Variants in SRFBP1 observed in about 807,000 individuals in gnomAD.
The protein encoded by SRFBP1 is serum response factor binding protein 1.
Under a neutral mutation model 45.5 loss-of-function variants are expected in SRFBP1, and 47 were observed. That is an observed-to-expected ratio of 1.03 (90% CI 0.82 to 1.32). SRFBP1 has a LOEUF of 1.32. SRFBP1 is among the 40% of genes most tolerant of loss of function. The probability of loss-of-function intolerance (pLI) is 0.00; values close to 1 mark genes in which losing one functional copy is unlikely to be tolerated. For missense variants in SRFBP1, 621 were observed against 484.6 expected, an observed-to-expected ratio of 1.28 and a Z score of -2.64; for synonymous variants, 203 against 166.3, an observed-to-expected ratio of 1.22 and a Z score of -1.70.
chr5:121,988,572 A>T (rs1752563303), intron 3 of SRFBP1, among the ~76,000 whole-genome samples: 1 of 152,246 alleles, frequency 6.6e-6, no homozygotes, highest in Admixed American at 6.5e-5. Flanking sequence ...CAACCAGGAA[A>T]GCTCACCTGA....
intron 2 of SRFBP1, among the ~76,000 whole-genome samples, chr5:122,057,459 CTGTG>C (rs3028227): frequency 0.67 from 97,294 of 146,262 alleles, 33,839 homozygotes; most frequent in East Asian, 0.85. Context: ...GTTCTCAGTT[CTGTG>C]TGTGTGTGTG....
chr5:122,039,120 A>AG (rs1254224363), intron 2 of SRFBP1, among the ~76,000 whole-genome samples: 7 of 152,218 alleles, frequency 4.6e-5, no homozygotes, highest in African/African-American at 7.2e-5. Flanking sequence ...TATCGTAACT[A>AG]TAACAGAACG....
At chr5:122,005,597 AATTC>A (rs1273963122) in intron 4 of SRFBP1, among the ~76,000 whole-genome samples, 2 of 151,996 alleles carry the variant, frequency 1.3e-5, no homozygotes, top group East Asian at 1.9e-4. Context: ...TTGTTTTTTA[AATTC>A]ATTCAGCCAC....
chr5:122,072,177 T>A (rs1340412318), intron 2 of SRFBP1, among the ~76,000 whole-genome samples: 2 of 152,306 alleles, frequency 1.3e-5, no homozygotes, highest in African/African-American at 2.4e-5. Context: ...ACATAATGCT[T>A]CAGTGCTTAT....
chr5:121,980,509 T>C (rs1274736300), intron 3 of SRFBP1, among the ~76,000 whole-genome samples: 1 of 152,214 alleles, frequency 6.6e-6, no homozygotes. Flanking sequence ...ATTTCTCTGC[T>C]GCAATAATTT....
Position 122,027,711 on chromosome 5 carries a change from A to T in SRFBP1, c.*585A>T, listed in dbSNP as rs1383890864. The T allele has an allele frequency of 6.6e-6, 1 of 152,162 alleles. No individual in the cohort carries two copies. 9.4% of individuals were successfully genotyped at this position (152,162 alleles called of 1,614,324 possible). On this transcript the variant is annotated 3_prime_UTR_variant, in exon 8 of 8. Coordinates refer to ENST00000339397, the MANE Select transcript of SRFBP1 (RefSeq NM_152546.3). ...AAAATCATTCTTGTTAGCAAACTAAAATAGTAACTTTTATTATGGATGTAC... is the reference window on the plus strand; with the variant it reads ...AAAATCATTCTTGTTAGCAAACTAATATAGTAACTTTTATTATGGATGTAC...
intron 1 of SRFBP1, among the ~76,000 whole-genome samples, chr5:121,973,514 C>G (rs1333291964): frequency 1.3e-5 from 2 of 150,414 alleles, no homozygotes; most frequent in Non-Finnish European, 3.0e-5. Context: ...CTATAATTTC[C>G]ATTTTTTGGC....
chr5:121,985,824 C>T (rs1291634716), intron 3 of SRFBP1, among the ~76,000 whole-genome samples: 2 of 151,464 alleles, frequency 1.3e-5, no homozygotes, highest in Non-Finnish European at 3.0e-5. Context: ...TTGGGGGATT[C>T]GGGTAGACAA....
chr5:122,001,207 AATC>A (rs1446236791), intron 4 of SRFBP1, among the ~76,000 whole-genome samples: 2 of 151,720 alleles, frequency 1.3e-5, no homozygotes, highest in East Asian at 1.9e-4. Flanking sequence ...AAAAGTTTCT[AATC>A]ATAACTACTT....
downstream of SRFBP1, chr5:122,077,128 C>G: frequency 1.3e-6 from 2 of 1,483,806 alleles, no homozygotes. The surrounding 1 kb of genome is among the most constrained non-coding windows in gnomAD (Gnocchi z 4.9). Flanking sequence ...GAGCGGAGGA[C>G]AGCAAGAGAA....
At chr5:121,988,529 C>G (rs1336180565) in intron 3 of SRFBP1, among the ~76,000 whole-genome samples, 1 of 152,176 alleles carries the variant, frequency 6.6e-6, no homozygotes, top group Non-Finnish European at 1.5e-5. Context: ...GCCACATTCC[C>G]ATCATAAGGT....
At chr5:121,981,553 CT>C (rs71623244) in intron 3 of SRFBP1, among the ~76,000 whole-genome samples, 1,472 of 134,710 alleles carry the variant, frequency 0.011, 13 homozygotes, top group African/African-American at 0.026. Flanking sequence ...TACCCTGTAC[CT>C]TTTTTTTTTT....
intron 4 of SRFBP1, among the ~76,000 whole-genome samples, chr5:122,012,954 A>C (rs1753123652): frequency 6.6e-6 from 1 of 152,072 alleles, no homozygotes; most frequent in Non-Finnish European, 1.5e-5. Context: ...GAGTTTTTGC[A>C]TTTCAACTAG....
chr5:121,976,535 A>G lies in SRFBP1; in HGVS notation c.198+1148A>G, dbSNP rs1219132136. On this transcript the variant is annotated intron_variant, in intron 3 of 7. Transcript: ENST00000339397. ...TAGAGATTTTGTCTTGAGAATAGCAATAAAATAGGAAGTTACAATTTATCT... is the reference window on the plus strand; with the variant it reads ...TAGAGATTTTGTCTTGAGAATAGCAGTAAAATAGGAAGTTACAATTTATCT... Among the ~76,000 whole-genome samples the G allele has an allele frequency of 1.1e-4, 16 of 151,932 alleles. 1 individual carries two copies. Among genetic ancestry groups the G allele is most frequent in the Admixed American group, 1.0e-3 (16 of 15,242 alleles).
At chr5:122,035,050 T>C (rs1753667132) in intron 2 of SRFBP1, among the ~76,000 whole-genome samples, 1 of 149,164 alleles carries the variant, frequency 6.7e-6, no homozygotes. Context: ...TTTTTTTTTG[T>C]TGTTGTTGTT....
chr5:121,994,779 T>C, intron 4 of SRFBP1, 109 bp downstream of exon 4: 2 of 677,144 alleles, frequency 3.0e-6, no homozygotes, highest in Non-Finnish European at 2.4e-6. Flanking sequence ...TAGTTTGTAA[T>C]TAGTTTTCCT....
chr5:121,985,132 A>G (rs1310611510), intron 3 of SRFBP1, among the ~76,000 whole-genome samples: 3 of 151,852 alleles, frequency 2.0e-5, no homozygotes, highest in Non-Finnish European at 4.4e-5. Flanking sequence ...AAGTCTAATG[A>G]GAAAAATGGA....
At chr5:122,072,597 GTCA>G (rs1371409048) in intron 2 of SRFBP1, among the ~76,000 whole-genome samples, 1 of 152,096 alleles carries the variant, frequency 6.6e-6, no homozygotes, top group Non-Finnish European at 1.5e-5. Flanking sequence ...ACTAATCTGA[GTCA>G]TCATTAGGTG....
chr5:122,061,320 A>C, intron 2 of SRFBP1, among the ~76,000 whole-genome samples: 1 of 151,858 alleles, frequency 6.6e-6, no homozygotes, highest in African/African-American at 2.4e-5. Flanking sequence ...ATGTAAATTG[A>C]GAACTGGCAA....
Sources: gnomAD v4.1 joint callset for allele counts (sites outside exome capture counted in the v4.1 genomes callset) on GRCh38, gnomAD v4.1.1 for gene constraint, Gnocchi (gnomAD v3.1) non-coding constraint, MANE v1.5 for transcripts, NCBI Gene and HGNC (gene_info 2026-07-23, HGNC 2026-07-21) for gene names.